The following ITIH5 variants were observed in gnomAD, a reference collection of about 807,000 sequenced individuals.
ITIH5 encodes inter-alpha-trypsin inhibitor heavy chain H5.
Under a neutral mutation model 77.5 loss-of-function variants are expected in ITIH5, and 65 were observed. The ratio of observed to expected loss-of-function variants is 0.84; its 90% CI spans 0.69 to 1.03. ITIH5 has a LOEUF of 1.03. ITIH5 is among the 50% of genes least tolerant of loss of function. The pLI is 0.00. For missense variants in ITIH5, 1,208 were observed against 1,213.1 expected (o/e 1.00, Z 0.06); for synonymous variants, 525 against 494.3 (o/e 1.06, Z -0.82).
intron 8 of ITIH5, among the ~76,000 whole-genome samples, chr10:7,581,721 C>CTTTTTTTTTTTT (rs142992412): frequency 3.9e-5 from 4 of 101,726 alleles, no homozygotes; most frequent in Admixed American, 1.3e-4. Context: ...TCTTTTCCTT[C>CTTTTTTTTTTTT]TTTTTTTTTT....
At chr10:7,610,502 G>A (rs955700225) in intron 7 of ITIH5, among the ~76,000 whole-genome samples, 16 of 152,320 alleles carry the variant, frequency 1.1e-4, no homozygotes, top group Admixed American at 2.0e-4. Context: ...TTTCAGGCCC[G>A]TCAAAGACGA....
chr10:7,644,429 TATCATATATATCACATATAG>T (rs1833943214), intron 2 of ITIH5, among the ~76,000 whole-genome samples: 9 of 140,384 alleles, frequency 6.4e-5, no homozygotes, highest in Middle Eastern at 3.9e-3. Context: ...ATATCACATA[TATCATATATATCACATATAG>T]ATCATATATA....
At chr10:7,612,928 T>C (rs937961315) in intron 7 of ITIH5, among the ~76,000 whole-genome samples, 14 of 152,148 alleles carry the variant, frequency 9.2e-5, no homozygotes, top group African/African-American at 3.4e-4. Flanking sequence ...AACAACTTGG[T>C]CAACGAATGG....
At chr10:7,564,116 C>T (rs535754221) in intron 13 of ITIH5, among the ~76,000 whole-genome samples, 1 of 152,356 alleles carries the variant, frequency 6.6e-6, no homozygotes, top group African/African-American at 2.4e-5. Context: ...GGGCGCTGGG[C>T]AGGGCTGCCT....
At chr10:7,634,016 A>G (rs61834796) in intron 5 of ITIH5, among the ~76,000 whole-genome samples, 73,872 of 149,086 alleles carry the variant, frequency 0.5, 19,950 homozygotes, top group African/African-American at 0.72. Context: ...TTGAATCCGG[A>G]AGGCGGAGCT....
chr10:7,597,044 C>CAACAAAAAAAAAAAAAA (rs1832914517), intron 7 of ITIH5, among the ~76,000 whole-genome samples: 1 of 36,920 alleles, frequency 2.7e-5, no homozygotes, highest in Non-Finnish European at 6.3e-5. Flanking sequence ...GTCTCCAACT[C>CAACAAAAAAAAAAAAAA]AAAAAAAAAA....
intron 9 of ITIH5, 48 bp from the exon 10 acceptor site, chr10:7,577,060 C>T (rs373462142): frequency 2.0e-6 from 3 of 1,514,410 alleles, no homozygotes; most frequent in Non-Finnish European, 2.7e-6. Flanking sequence ...CCTGCTCTGA[C>T]AGCAGGCAGG....
chr10:7,597,508 C>A (rs1160091688), intron 7 of ITIH5, among the ~76,000 whole-genome samples: 2 of 152,088 alleles, frequency 1.3e-5, no homozygotes, highest in African/African-American at 4.8e-5. Context: ...GTTGTCCCCT[C>A]TGTACCCCAT....
At chr10:7,666,685 CCT>C in intron 1 of ITIH5, 116 bp downstream of exon 1, 2 of 705,286 alleles carry the variant, frequency 2.8e-6, no homozygotes, top group Non-Finnish European at 4.6e-6. Flanking sequence ...GACCCCTGGG[CCT>C]CTGGTGGGGG....
At chr10:7,659,716 T>C (rs1834245478) in intron 1 of ITIH5, among the ~76,000 whole-genome samples, 1 of 152,228 alleles carries the variant, frequency 6.6e-6, no homozygotes, top group Non-Finnish European at 1.5e-5. Flanking sequence ...TTTTTCATTT[T>C]TGAGATGCCT....
intron 7 of ITIH5, among the ~76,000 whole-genome samples, chr10:7,592,821 C>T (rs1219200833): frequency 6.6e-6 from 1 of 152,162 alleles, no homozygotes; most frequent in African/African-American, 2.4e-5. Flanking sequence ...CAGGTGTCCC[C>T]ACCCAGGAAG....
Position 7,566,904 on chromosome 10 carries a change from A to AGAAGAG in ITIH5, c.2150-498_2150-497insCTCTTC, listed in dbSNP as rs1832195791. ...AAGAAGAAGAAGAAGAAGAAGAAGA[A>AGAAGAG]GAAGAAGAAGAAGAAGAAAAGAAAA... is the stretch of plus-strand genomic sequence containing the variant. On this transcript the variant is annotated intron_variant, in intron 12 of 13. Coordinates refer to ENST00000397146, the MANE Select transcript of ITIH5 (RefSeq NM_030569.7). 5.7e-5 allele frequency among the ~76,000 whole-genome samples: 7 copies of AGAAGAG among 122,096 alleles called. 1 individual carries two copies. The highest frequency in any genetic ancestry group is 8.5e-5 in the Admixed American group (1 of 11,744). The allele number at this position is 122,096 out of a possible 152,430, so 80.1% of individuals were successfully genotyped here. A position where few individuals can be genotyped will look rare whatever the true frequency, so the allele number is the denominator to read the frequency against.
intron 7 of ITIH5, among the ~76,000 whole-genome samples, chr10:7,589,961 G>C (rs879773731): frequency 3.4e-5 from 5 of 146,042 alleles, no homozygotes; most frequent in Non-Finnish European, 7.5e-5. Flanking sequence ...TGAGTCACAG[G>C]GTCCTTTTCT....
At chr10:7,637,195 C>G in intron 5 of ITIH5, 33 bp downstream of exon 5, 1 of 1,587,130 alleles carries the variant, frequency 6.3e-7, no homozygotes, top group Non-Finnish European at 8.5e-7. Flanking sequence ...GTTTTCACCA[C>G]AGATCTGCAC....
chr10:7,646,036 T>A (rs1482990005), intron 2 of ITIH5, among the ~76,000 whole-genome samples: 1 of 152,264 alleles, frequency 6.6e-6, no homozygotes, highest in African/African-American at 2.4e-5. Context: ...ACAGGTTTTC[T>A]TTCTAAATTA....
intron 7 of ITIH5, among the ~76,000 whole-genome samples, chr10:7,590,825 C>T (rs149514180): frequency 0.021 from 3,181 of 152,360 alleles, 50 homozygotes; most frequent in Non-Finnish European, 0.033. Flanking sequence ...ATTACTGCCA[C>T]GTGGATTTTC....
At chr10:7,635,364 T>C (rs1270502954) in intron 5 of ITIH5, among the ~76,000 whole-genome samples, 1 of 152,246 alleles carries the variant, frequency 6.6e-6, no homozygotes, top group African/African-American at 2.4e-5. Context: ...TTCCCAGATG[T>C]GCAAGCCAAG....
intron 8 of ITIH5, among the ~76,000 whole-genome samples, chr10:7,583,800 C>T (rs543743749): frequency 2.0e-5 from 3 of 152,250 alleles, no homozygotes; most frequent in East Asian, 1.9e-4. Context: ...TTAGCTTTCC[C>T]GATGGCACAC....
intron 7 of ITIH5, among the ~76,000 whole-genome samples, chr10:7,613,789 C>G (rs1306901667): frequency 6.6e-6 from 1 of 151,716 alleles, no homozygotes; most frequent in Non-Finnish European, 1.5e-5. Flanking sequence ...CGCACATCCC[C>G]TCTGTAGCTT....
Sources: allele counts gnomAD v4.1 joint callset (sites outside exome capture counted in the v4.1 genomes callset), GRCh38; gene constraint gnomAD v4.1.1; transcripts MANE v1.5; gene names NCBI Gene and HGNC (gene_info 2026-07-23, HGNC 2026-07-21).